Variants in TRMT11 observed in about 807,000 individuals in gnomAD.
TRMT11 encodes tRNA methyltransferase 11, also known as tRNA (guanine(10)-N(2))-methyltransferase TRMT11.
In TRMT11, 53 loss-of-function variants were observed where a neutral mutation model predicts 62.8. The ratio of observed to expected loss-of-function variants is 0.84; its 90% confidence interval spans 0.68 to 1.06. The LOEUF (loss-of-function observed/expected upper bound fraction) is 1.06. TRMT11 is among the 50% of genes least tolerant of loss of function. The pLI is 0.00. For synonymous variants in TRMT11, 188 were observed against 190.3 expected, an observed-to-expected ratio of 0.99 and a Z score of 0.10; for missense variants, 556 against 553.4, an observed-to-expected ratio of 1.00 and a Z score of -0.05.
the TRMT11 span, among the ~76,000 whole-genome samples, chr6:126,235,131 T>C: frequency 6.6e-6 from 1 of 152,058 alleles, no homozygotes; most frequent in African/African-American, 2.4e-5. Flanking sequence ...ATTAGAGCAA[T>C]GCAAATGAAA....
the TRMT11 span, among the ~76,000 whole-genome samples, chr6:126,217,890 G>T: frequency 6.6e-6 from 1 of 152,116 alleles, no homozygotes; most frequent in Non-Finnish European, 1.5e-5. Context: ...GGGAGCCAGG[G>T]CCTGGAGTCA....
intron 17 of TRMT11, among the ~76,000 whole-genome samples, chr6:126,097,400 A>T (rs1017610862): frequency 2.3e-4 from 35 of 152,214 alleles, no homozygotes; most frequent in African/African-American, 8.2e-4. Context: ...TTTAAATAAT[A>T]CTCAAGGGAA....
At chr6:126,126,399 A>C (rs1777719167) in intron 21 of TRMT11, among the ~76,000 whole-genome samples, 1 of 152,148 alleles carries the variant, frequency 6.6e-6, no homozygotes, top group African/African-American at 2.4e-5. Context: ...GCAGATTCTC[A>C]ACTAGCTTTG....
intron 17 of TRMT11, among the ~76,000 whole-genome samples, chr6:126,059,762 T>A (rs183004772): frequency 6.6e-6 from 1 of 152,326 alleles, no homozygotes; most frequent in East Asian, 1.9e-4. Context: ...CGTTTTACTC[T>A]ACTATCAATA....
the TRMT11 span, among the ~76,000 whole-genome samples, chr6:126,214,272 C>G: frequency 6.6e-6 from 1 of 152,046 alleles, no homozygotes; most frequent in Non-Finnish European, 1.5e-5. Flanking sequence ...GAAGTATTCC[C>G]TCTTTCTCTA....
In TRMT11 at chr6:125,998,203, C is replaced by T; in HGVS notation, c.295-20C>T. The T allele has an allele frequency of 6.3e-7, 1 of 1,597,548 alleles. No individual in the cohort carries two copies. Among genetic ancestry groups the T allele is most frequent in the Non-Finnish European group, 8.6e-7 (1 of 1,165,786 alleles). Reference sequence around the variant, plus strand: ...CTGTAGAATTAAAATACTCAAAAAACTGATTTCCTTTTATTTTAGGTTCCA... The same window carrying T: ...CTGTAGAATTAAAATACTCAAAAAATTGATTTCCTTTTATTTTAGGTTCCA... On this transcript the variant is annotated intron_variant, in intron 4 of 12. Transcript: ENST00000334379.
chr6:126,200,989 G>T (rs1347994411), intron 3 of TRMT11, among the ~76,000 whole-genome samples: 1 of 152,118 alleles, frequency 6.6e-6, no homozygotes, highest in Non-Finnish European at 1.5e-5. Context: ...TAGAATAGGG[G>T]GTGTTTAGAC....
chr6:126,137,379 A>G lies in TRMT11; in HGVS notation c.*1823+21524A>G, dbSNP rs573487186. Among the ~76,000 whole-genome samples the G allele has an allele frequency of 2.5e-4, 38 of 152,024 alleles. 1 individual carries two copies. The South Asian group carries it at 7.9e-3, about 32-fold the overall frequency. ...ACATTTCTCAAAAGTAGACATACAA[A>G]TGGCCACAAATGCTCAATATCACTA... is the stretch of plus-strand genomic sequence containing the variant. On this transcript the variant is annotated intron_variant and NMD_transcript_variant, in intron 21 of 22. Coordinates refer to the TRMT11 transcript ENST00000648977.
chr6:125,989,689 T>C (rs2128729754), intron 1 of TRMT11, among the ~76,000 whole-genome samples: 1 of 152,346 alleles, frequency 6.6e-6, no homozygotes, highest in East Asian at 1.9e-4. Flanking sequence ...CGTAAATTCT[T>C]CTTAGTGTAT....
At chr6:126,004,995 G>A (rs1215385975) in intron 7 of TRMT11, among the ~76,000 whole-genome samples, 1 of 151,946 alleles carries the variant, frequency 6.6e-6, no homozygotes, top group Non-Finnish European at 1.5e-5. Context: ...TTTTTTTAAA[G>A]TGTGTGTCTC....
the TRMT11 span, among the ~76,000 whole-genome samples, chr6:126,219,037 G>A: frequency 6.6e-6 from 1 of 152,118 alleles, no homozygotes; most frequent in Non-Finnish European, 1.5e-5. Context: ...CCTCCCCAAA[G>A]TGTATAGATT....
intron 1 of TRMT11, 143 bp from the exon 2 acceptor site, chr6:125,993,614 A>G (rs556392016): frequency 2.2e-6 from 1 of 448,994 alleles, no homozygotes; most frequent in African/African-American, 2.0e-5. Flanking sequence ...CCTAAATTGT[A>G]ATTGTCTGAT....
At chr6:126,257,813 C>G in the TRMT11 span, 8 of 788,132 alleles carry the variant, frequency 1.0e-5, no homozygotes, top group Non-Finnish European at 1.5e-5. Context: ...GGGAAGAGAC[C>G]TGCTCATGGC....
At chr6:126,104,823 C>A (rs941729336) in intron 17 of TRMT11, among the ~76,000 whole-genome samples, 1 of 152,164 alleles carries the variant, frequency 6.6e-6, no homozygotes, top group African/African-American at 2.4e-5. Flanking sequence ...CCTTAGATTT[C>A]TATCGAGTTC....
intron 21 of TRMT11, among the ~76,000 whole-genome samples, chr6:126,169,309 C>T (rs949758989): frequency 6.6e-6 from 1 of 151,952 alleles, no homozygotes; most frequent in African/African-American, 2.4e-5. Flanking sequence ...CCTTGAGACT[C>T]TAAGTGATGT....
intron 21 of TRMT11, among the ~76,000 whole-genome samples, chr6:126,140,830 A>G (rs1777908586): frequency 6.6e-6 from 1 of 152,068 alleles, no homozygotes; most frequent in Non-Finnish European, 1.5e-5. Context: ...TCAAATAATT[A>G]TGGGAAATTT....
intron 7 of TRMT11, among the ~76,000 whole-genome samples, chr6:126,005,245 C>T (rs1313632697): frequency 2.0e-5 from 3 of 151,962 alleles, no homozygotes; most frequent in Non-Finnish European, 2.9e-5. Flanking sequence ...GCATATTTTG[C>T]TTTTGTTTAT....
chr6:126,130,311 T>C (rs1446131200), intron 21 of TRMT11, among the ~76,000 whole-genome samples: 1 of 152,088 alleles, frequency 6.6e-6, no homozygotes, highest in Non-Finnish European at 1.5e-5. Flanking sequence ...AAGTATGCCT[T>C]GGAAGATAAT....
chr6:126,012,669 G>A (rs1007445199), intron 9 of TRMT11, 102 bp from the exon 10 acceptor site: 2 of 761,482 alleles, frequency 2.6e-6, no homozygotes, highest in South Asian at 1.7e-5. Flanking sequence ...GTGATGTTGT[G>A]TTCTTCTCAG....
Sources: allele counts gnomAD v4.1 joint callset (sites outside exome capture counted in the v4.1 genomes callset), GRCh38; gene constraint gnomAD v4.1.1; transcripts MANE v1.5; gene names NCBI Gene and HGNC (gene_info 2026-07-23, HGNC 2026-07-21).